DHRS9: variants seen among roughly 807,000 people sequenced by gnomAD.
DHRS9 encodes dehydrogenase/reductase SDR family member 9.
In DHRS9, 18 loss-of-function variants were observed where a neutral mutation model predicts 26.6. The ratio of observed to expected loss-of-function variants is 0.68; its 90% CI spans 0.47 to 1.00. DHRS9 has a LOEUF of 1.00. DHRS9 is among the 50% of genes least tolerant of loss of function. DHRS9 has a pLI of 0.00. For synonymous variants in DHRS9, 134 were observed against 141.1 expected, an observed-to-expected ratio of 0.95 and a Z score of 0.36; for missense variants, 425 against 378.7, an observed-to-expected ratio of 1.12 and a Z score of -1.01.
At chr2:169,070,839 C>A in intron 1 of DHRS9, 1 of 695,834 alleles carries the variant, frequency 1.4e-6, no homozygotes, top group Non-Finnish European at 1.8e-6. Context: ...CCGAGGCCGG[C>A]GGATCACAAG....
chr2:169,080,190 A>G lies in DHRS9; in HGVS notation c.-59-1333A>G, dbSNP rs1684140536. 1.3e-5 allele frequency among the ~76,000 whole-genome samples: 2 copies of G among 152,156 alleles called. 1 individual carries two copies. The highest frequency in any genetic ancestry group is 4.1e-4 in the South Asian group (2 of 4,824). On this transcript the variant is annotated intron_variant, in intron 1 of 4. Coordinates refer to ENST00000674881, the MANE Select transcript of DHRS9 (RefSeq NM_001376924.1). ...GCCTATTGATTGTCCTCTGTGAGGC[A>G]TTTTAAAGCCCCTCTGGAGTCTCAG...
At chr2:169,069,192 A>T (rs555190422), upstream of DHRS9, among the ~76,000 whole-genome samples, 16 of 152,272 alleles carry the variant, frequency 1.1e-4, no homozygotes, top group Admixed American at 9.2e-4. Flanking sequence ...CTTAGGAGGG[A>T]AGGAGTGTTA....
At chr2:169,093,765 G>A (rs781350076) in intron 4 of DHRS9, among the ~76,000 whole-genome samples, 1 of 152,128 alleles carries the variant, frequency 6.6e-6, no homozygotes, top group Non-Finnish European at 1.5e-5. Flanking sequence ...CCAAAGTCAC[G>A]GTCCCAAAGT....
Position 169,079,883 on chromosome 2 carries a change from A to AGAGAGAG in DHRS9, c.-59-1640_-59-1639insGAGAGAG, listed in dbSNP as rs1558951373. On this transcript the variant is annotated intron_variant, in intron 1 of 4. Transcript: ENST00000674881. ...TCTGAAAGAAAGAAAGAAAGAAAGAAAGAGAGAGAGAGAGGGAGGGAGGGA... is the reference window on the plus strand; with the variant it reads ...TCTGAAAGAAAGAAAGAAAGAAAGAAGAGAGAGAGAGAGAGAGAGAGGGAGGGAGGGA... Among the ~76,000 whole-genome samples the AGAGAGAG allele has an allele frequency of 8.7e-5, 7 of 80,782 alleles. 2 individuals carry two copies. Among genetic ancestry groups the AGAGAGAG allele is most frequent in the African/African-American group, 4.3e-4 (6 of 13,954 alleles). 53.0% of individuals were successfully genotyped at this position (80,782 alleles called of 152,430 possible). A position where few individuals can be genotyped will look rare whatever the true frequency, so the allele number is the denominator to read the frequency against.
chr2:169,094,849 T>C (rs1254860778), intron 4 of DHRS9, among the ~76,000 whole-genome samples: 1 of 152,184 alleles, frequency 6.6e-6, no homozygotes, highest in Non-Finnish European at 1.5e-5. Context: ...CACTAATCCC[T>C]TGTAAAATCC....
At chr2:169,072,199 C>G (rs1683828100) in intron 1 of DHRS9, among the ~76,000 whole-genome samples, 1 of 152,098 alleles carries the variant, frequency 6.6e-6, no homozygotes, top group Admixed American at 6.6e-5. Context: ...AAAGAGAATA[C>G]TTTAGAAAAT....
chr2:169,082,017 G>A, intron 2 of DHRS9, 123 bp downstream of exon 2: 7 of 993,196 alleles, frequency 7.0e-6, no homozygotes, highest in South Asian at 3.5e-5. Flanking sequence ...AATACCGGCT[G>A]TGTACTTCTC....
upstream of DHRS9, among the ~76,000 whole-genome samples, chr2:169,068,948 C>A (rs1449849212): frequency 6.6e-6 from 1 of 152,172 alleles, no homozygotes; most frequent in African/African-American, 2.4e-5. Context: ...CAACTGTGAT[C>A]AACTCTGACA....
chr2:169,084,109 G>C (rs1684279987), intron 3 of DHRS9, among the ~76,000 whole-genome samples: 1 of 151,974 alleles, frequency 6.6e-6, no homozygotes, highest in South Asian at 2.1e-4. Context: ...TCTGTGCCTG[G>C]CTTGTTTTAC....
intron 1 of DHRS9, among the ~76,000 whole-genome samples, chr2:169,071,321 T>C (rs1683798955): frequency 2.0e-5 from 3 of 152,214 alleles, no homozygotes; most frequent in Admixed American, 6.5e-5. Context: ...CTGCTAATAC[T>C]GTCAGGAAAC....
Position 169,095,970 on chromosome 2 carries a change from G to T in DHRS9, c.*203G>T, listed in dbSNP as rs1042394509. ...TTTCTTTGAAAAGGAGGGCTGGAAT[G>T]GTACATCACATAGGCAAGTCCTGCC... On this transcript the variant is annotated 3_prime_UTR_variant, in exon 5 of 5. Coordinates refer to ENST00000674881, the MANE Select transcript of DHRS9 (RefSeq NM_001376924.1). The T allele has an allele frequency of 1.8e-5, 11 of 594,640 alleles. No individual in the cohort carries two copies. Among genetic ancestry groups the T allele is most frequent in the Admixed American group, 3.0e-5 (1 of 33,624 alleles). The allele number at this position is 594,640 out of a possible 1,614,324, so 36.8% of individuals were successfully genotyped here. A position where few individuals can be genotyped will look rare whatever the true frequency, so the allele number is the denominator to read the frequency against.
Position 169,070,775 on chromosome 2 carries a change from G to A in DHRS9, c.-60+1058G>A, listed in dbSNP as rs1683776643. On this transcript the variant is annotated intron_variant, in intron 1 of 4. Transcript: ENST00000674881. ...GTCTTAAGGGACAGTGTTTAAAAACGCATACCTGGCCGGGCGCGGTGGCTC... is the reference window on the plus strand; with the variant it reads ...GTCTTAAGGGACAGTGTTTAAAAACACATACCTGGCCGGGCGCGGTGGCTC... The A allele has an allele frequency of 7.1e-6, 7 of 985,284 alleles. No homozygotes were observed. In the South Asian group the frequency reaches 1.4e-4, roughly 20 times the overall value. The allele number at this position is 985,284 out of a possible 1,614,324, so 61.0% of individuals were successfully genotyped here. A position where few individuals can be genotyped will look rare whatever the true frequency, so the allele number is the denominator to read the frequency against.
intron 3 of DHRS9, 30 bp downstream of exon 3, chr2:169,083,617 AC>A: frequency 6.2e-7 from 1 of 1,607,010 alleles, no homozygotes; most frequent in South Asian, 1.1e-5. Context: ...TTATTAGGAA[AC>A]AATAGCTGCA....
At chr2:169,072,746 T>C in intron 1 of DHRS9, 1 of 776,798 alleles carries the variant, frequency 1.3e-6, no homozygotes, top group Non-Finnish European at 1.6e-6. Context: ...TGTGATATGG[T>C]AGAGAAAGTT....
At chr2:169,080,029 G>GAAAGAAAT (rs1684131359) in intron 1 of DHRS9, among the ~76,000 whole-genome samples, 1 of 119,886 alleles carries the variant, frequency 8.3e-6, no homozygotes, top group Admixed American at 8.7e-5. Context: ...AAGAAAGAAA[G>GAAAGAAAT]AAAGAAAGAA....
rs746051179 is a variant in DHRS9 at position 169,095,664 on chromosome 2, A to T, written c.857A>T (p.Asp286Val). 1.9e-6 allele frequency: 3 copies of T among 1,614,032 alleles called. No individual in the cohort carries two copies. The highest frequency in any genetic ancestry group is 1.1e-5 in the South Asian group (1 of 91,082). The change falls in exon 5 of 5, where the codon GAT becomes GTT. Residue 286 changes from aspartate (D) to valine (V), a missense_variant. Coordinates refer to ENST00000674881, the MANE Select transcript of DHRS9 (RefSeq NM_001376924.1). ...AAGACTCATTATGCCGCTGGAAAAGATGCCAAAATTTTCTGGATACCTCTG... is the reference window on the plus strand; with the variant it reads ...AAGACTCATTATGCCGCTGGAAAAGTTGCCAAAATTTTCTGGATACCTCTG... ...FPKTHYAAGK[D>V]AKIFWIPLSH...
intron 1 of DHRS9, among the ~76,000 whole-genome samples, chr2:169,075,353 GT>G (rs1202888463): frequency 6.6e-6 from 1 of 152,048 alleles, no homozygotes; most frequent in Non-Finnish European, 1.5e-5. Flanking sequence ...AGGTGCATGT[GT>G]GGTTTTAATG....
Position 169,081,787 on chromosome 2 carries a change from T to G in DHRS9, c.206T>G (p.Leu69Ter). The G allele has an allele frequency of 6.2e-7, 1 of 1,614,138 alleles. No homozygotes were observed. Among genetic ancestry groups the G allele is most frequent in the Non-Finnish European group, 8.5e-7 (1 of 1,180,014 alleles). ...ACLTESGSTA[L>*]KAETSERLRT... ...CTGACTGAATCAGGATCAACAGCTT[T>G]AAAGGCAGAAACCTCAGAGAGACTT... is the stretch of plus-strand genomic sequence containing the variant. The change falls in exon 2 of 5, where the codon TTA (leucine) becomes TGA (stop). Residue 69 changes from leucine to a stop codon, truncating the protein, a stop_gained. Coordinates refer to ENST00000674881, the MANE Select transcript of DHRS9 (RefSeq NM_001376924.1). LOFTEE classifies it high-confidence loss of function.
chr2:169,092,355 C>A (rs1275295199), intron 4 of DHRS9, among the ~76,000 whole-genome samples: 4 of 152,206 alleles, frequency 2.6e-5, no homozygotes, highest in African/African-American at 9.7e-5. Flanking sequence ...CAAGCACCAG[C>A]TGTACACTTG....
Sources: allele counts gnomAD v4.1 joint callset (sites outside exome capture counted in the v4.1 genomes callset), GRCh38; gene constraint gnomAD v4.1.1; transcripts MANE v1.5; gene names NCBI Gene and HGNC (gene_info 2026-07-23, HGNC 2026-07-21).